Variants in LIG1 observed in about 807,000 individuals in gnomAD.
LIG1 encodes DNA ligase 1.
In LIG1, 70 loss-of-function variants were observed where a neutral mutation model predicts 115.7. The ratio of observed to expected loss-of-function variants is 0.60; its 90% confidence interval spans 0.50 to 0.74. LIG1 has a LOEUF of 0.74. LIG1 is among the 30% of genes least tolerant of loss of function. The pLI, the probability that LIG1 is intolerant of heterozygous loss-of-function variation, is 0.00. For synonymous variants in LIG1, 487 were observed against 495.3 expected (o/e 0.98, Z 0.22); for missense variants, 1,115 against 1,225.6 (o/e 0.91, Z 1.35).
intron 1 of LIG1, 125 bp from the exon 2 acceptor site, chr19:48,165,748 G>C (rs753631611): frequency 2.6e-6 from 2 of 777,152 alleles, no homozygotes; most frequent in Non-Finnish European, 4.3e-6. Context: ...CCTTCAAAAA[G>C]AAACTCCTGT....
intron 6 of LIG1, among the ~76,000 whole-genome samples, chr19:48,152,532 C>A (rs1278250315): frequency 6.6e-6 from 1 of 152,186 alleles, no homozygotes; most frequent in African/African-American, 2.4e-5. Context: ...GGTGTAATCT[C>A]ATGCAGGCCC....
chr19:48,161,417 G>A lies in LIG1; in HGVS notation c.198C>T (p.Ser66=), dbSNP rs149883221. Residue 66 remains serine (S), a synonymous_variant, in exon 4 of 28, where the codon AGC becomes AGT. Coordinates refer to ENST00000263274, the MANE Select transcript of LIG1 (RefSeq NM_000234.3). ...PGRKAARVLG[S]EGEEEDEALS... ...GGGCTTCATCCTCCTCTTCCCCTTC[G>A]CTGCCCAGGACCCGGGCCGCCTTCC... 8.1e-5 allele frequency: 130 copies of A among 1,614,066 alleles called. No individual in the cohort carries two copies. The African/African-American group carries it at 9.3e-4, about 12-fold the overall frequency.
At chr19:48,152,854 T>C (rs1261662038) in intron 6 of LIG1, among the ~76,000 whole-genome samples, 2 of 152,186 alleles carry the variant, frequency 1.3e-5, no homozygotes, top group Non-Finnish European at 2.9e-5. Context: ...CTGTTTAAGA[T>C]GTTACAGAGT....
intron 4 of LIG1, among the ~76,000 whole-genome samples, chr19:48,158,163 G>A (rs1328182399): frequency 1.3e-5 from 2 of 152,108 alleles, no homozygotes; most frequent in Non-Finnish European, 1.5e-5. Context: ...CAGGACCGTG[G>A]GCCAAAATAA....
intron 25 of LIG1, 54 bp from the exon 26 acceptor site, chr19:48,117,835 G>A (rs1568472761): frequency 3.4e-5 from 54 of 1,596,976 alleles, no homozygotes; most frequent in Non-Finnish European, 4.4e-5. Flanking sequence ...CAAAGTCAAG[G>A]CCAAGTGTTG....
At chr19:48,161,948 G>C (rs1390376614) in intron 3 of LIG1, among the ~76,000 whole-genome samples, 3 of 147,548 alleles carry the variant, frequency 2.0e-5, no homozygotes, top group African/African-American at 5.0e-5. Flanking sequence ...AAAAAAAAAA[G>C]AGTACTGTTG....
chr19:48,125,843 C>T (rs1236381008), intron 21 of LIG1, among the ~76,000 whole-genome samples: 1 of 151,908 alleles, frequency 6.6e-6, no homozygotes, highest in Non-Finnish European at 1.5e-5. Flanking sequence ...AAAAAATTCG[C>T]CAGGCGTGGT....
chr19:48,119,477 T>TA (rs1175816238), intron 24 of LIG1, among the ~76,000 whole-genome samples: 11 of 150,996 alleles, frequency 7.3e-5, no homozygotes, highest in Admixed American at 7.2e-4. Flanking sequence ...GTCACTCCCT[T>TA]ATGCTCACCC....
At chr19:48,166,971 A>G (rs1032680044) in intron 1 of LIG1, among the ~76,000 whole-genome samples, 35 of 119,002 alleles carry the variant, frequency 2.9e-4, no homozygotes, top group Admixed American at 2.1e-3. Flanking sequence ...AAAAAAAAAA[A>G]AAAGAAAGAA....
At chr19:48,165,298 G>A (rs1340479227) in intron 2 of LIG1, among the ~76,000 whole-genome samples, 6 of 152,020 alleles carry the variant, frequency 3.9e-5, no homozygotes, top group Non-Finnish European at 5.9e-5. Context: ...ATGTTCCCTG[G>A]GGAGCAAAAT....
At chr19:48,121,422 G>A in intron 23 of LIG1, 100 bp from the exon 24 acceptor site, 2 of 1,195,428 alleles carry the variant, frequency 1.7e-6, no homozygotes, top group Non-Finnish European at 2.3e-6. Context: ...GGGACTAGAA[G>A]TAAGTCTGAA....
chr19:48,142,631 G>A (rs746156770), intron 11 of LIG1, among the ~76,000 whole-genome samples: 14 of 151,954 alleles, frequency 9.2e-5, no homozygotes, highest in South Asian at 6.2e-4. Flanking sequence ...AGAATGAGCC[G>A]TACCCATGAT....
At chr19:48,121,841 C>G (rs2033303051) in intron 23 of LIG1, among the ~76,000 whole-genome samples, 1 of 152,140 alleles carries the variant, frequency 6.6e-6, no homozygotes. Context: ...ATGGGAAACG[C>G]AGGCGGGATC....
chr19:48,158,968 C>A (rs1349786447), intron 4 of LIG1, among the ~76,000 whole-genome samples: 1 of 152,228 alleles, frequency 6.6e-6, no homozygotes, highest in Non-Finnish European at 1.5e-5. Context: ...CCTTCAGTTA[C>A]CTATTTAACA....
intron 17 of LIG1, 147 bp downstream of exon 17, chr19:48,133,834 G>T: frequency 1.4e-6 from 1 of 704,498 alleles, no homozygotes; most frequent in Non-Finnish European, 2.6e-6. Context: ...AAAGCAGTGG[G>T]TTTCAGCACC....
At chr19:48,163,970 G>A (rs2036337984) in intron 2 of LIG1, among the ~76,000 whole-genome samples, 2 of 149,744 alleles carry the variant, frequency 1.3e-5, no homozygotes, top group African/African-American at 4.9e-5. Context: ...AAAAATGTTG[G>A]AAGGCGTGAA....
At chr19:48,115,841 G>A in intron 27 of LIG1, 32 bp downstream of exon 27, 1 of 1,598,784 alleles carries the variant, frequency 6.3e-7, no homozygotes, top group Non-Finnish European at 8.6e-7. Flanking sequence ...CCAAGCAGCT[G>A]GGCGGCCCAC....
chr19:48,132,976 C>T lies in LIG1; in HGVS notation c.1725+6G>A. The stretch of plus-strand genomic sequence containing the variant: ...CTGTGGAAGGGACATGTCCCACTCC[C>T]CATACCTGTGCCCTCTGCCCGTCAT... On this transcript the variant is annotated splice_donor_region_variant and intron_variant, in intron 18 of 27. Coordinates refer to ENST00000263274, the MANE Select transcript of LIG1 (RefSeq NM_000234.3). 6.3e-7 allele frequency: 1 copy of T among 1,597,254 alleles called. No individual in the cohort carries two copies. The highest frequency in any genetic ancestry group is 1.1e-5 in the South Asian group (1 of 90,764).
chr19:48,136,219 G>C (rs750068977), intron 14 of LIG1, 94 bp from the exon 15 acceptor site: 1 of 856,204 alleles, frequency 1.2e-6, no homozygotes, highest in Admixed American at 2.2e-5. Flanking sequence ...GATGTATGTA[G>C]ACCCTCTCCT....
Sources: gnomAD v4.1 joint callset for allele counts (sites outside exome capture counted in the v4.1 genomes callset) on GRCh38, gnomAD v4.1.1 for gene constraint, MANE v1.5 for transcripts, NCBI Gene and HGNC (gene_info 2026-07-23, HGNC 2026-07-21) for gene names.